Variants in CD83 observed in about 807,000 individuals in gnomAD.
CD83 encodes the protein CD83 molecule, also known as CD83 antigen.
Under a neutral mutation model 24.6 loss-of-function variants are expected in CD83, and 22 were observed. The ratio of observed to expected loss-of-function variants is 0.90; its 90% confidence interval spans 0.64 to 1.28. The LOEUF (loss-of-function observed/expected upper bound fraction) is 1.28, where lower values mean the gene tolerates loss of function less well. CD83 is among the 50% of genes most tolerant of loss of function. The pLI is 0.00. For missense variants in CD83, 253 were observed against 252.8 expected, an observed-to-expected ratio of 1.00 and a Z score of -0.01; for synonymous variants, 101 against 103.5, an observed-to-expected ratio of 0.98 and a Z score of 0.14.
At position 14,136,506 on chromosome 6, in the gene CD83, G is replaced by T. The variant is rs1758055702; in HGVS notation, c.*1270G>T. 6.6e-6 allele frequency: 1 copy of T among 152,198 alleles called. No individual in the cohort carries two copies. The highest frequency in any genetic ancestry group is 1.5e-5 in the Non-Finnish European group (1 of 68,062). The allele number at this position is 152,198 out of a possible 1,614,324, so 9.4% of individuals were successfully genotyped here. A position where few individuals can be genotyped will look rare whatever the true frequency, so the allele number is the denominator to read the frequency against. ...TGCATGGATGTTTTAGCCATTGTTGGCTTTCCCTTATCAAACTTGGGCCCT... is the reference window on the plus strand; with the variant it reads ...TGCATGGATGTTTTAGCCATTGTTGTCTTTCCCTTATCAAACTTGGGCCCT... On this transcript the variant is annotated 3_prime_UTR_variant, in exon 5 of 5. Transcript: ENST00000379153.
intron 2 of CD83, among the ~76,000 whole-genome samples, chr6:14,125,433 G>C (rs1458346989): frequency 3.3e-5 from 5 of 152,210 alleles, no homozygotes; most frequent in Admixed American, 2.6e-4. Context: ...TTTTGGATTA[G>C]GGATGCTCAA....
chr6:14,130,742 A>G (rs1757873733), intron 2 of CD83, among the ~76,000 whole-genome samples: 1 of 152,180 alleles, frequency 6.6e-6, no homozygotes, highest in African/African-American at 2.4e-5. Context: ...CAAAAAAGAA[A>G]AAAAGAAAGC....
At position 14,129,203 on chromosome 6, in the gene CD83, C is replaced by G. The variant is rs146732511; in HGVS notation, c.154-2317C>G. Among the ~76,000 whole-genome samples the G allele has an allele frequency of 6.6e-6, 1 of 152,186 alleles. No individual in the cohort carries two copies. Among genetic ancestry groups the G allele is most frequent in the Non-Finnish European group, 1.5e-5 (1 of 68,042 alleles). On this transcript the variant is annotated intron_variant, in intron 2 of 4. Transcript: ENST00000379153. The surrounding 1 kb of genome is among the most constrained non-coding windows in gnomAD (Gnocchi z 4.3). ...GAAAAAGAAAAGCAAGATTGGACATCGGAATGGGGACTGCAGGGACTGGGC... is the reference window on the plus strand; with the variant it reads ...GAAAAAGAAAAGCAAGATTGGACATGGGAATGGGGACTGCAGGGACTGGGC...
At chr6:14,122,652 C>T (rs1206487586) in intron 2 of CD83, among the ~76,000 whole-genome samples, 2 of 152,084 alleles carry the variant, frequency 1.3e-5, no homozygotes, top group East Asian at 1.9e-4. Context: ...AAAAAAAAAT[C>T]GTACTGTCCC....
intron 4 of CD83, among the ~76,000 whole-genome samples, chr6:14,134,312 C>T (rs973426787): frequency 5.3e-5 from 8 of 152,206 alleles, no homozygotes; most frequent in African/African-American, 1.7e-4. Flanking sequence ...GATGGCTGGC[C>T]GGTGCTCAGG....
At chr6:14,122,132 A>T (rs947907247) in intron 2 of CD83, among the ~76,000 whole-genome samples, 2 of 152,166 alleles carry the variant, frequency 1.3e-5, no homozygotes, top group Non-Finnish European at 2.9e-5. Context: ...TAAGAGTGTG[A>T]CTTCATATAA....
Position 14,133,752 on chromosome 6 carries a change from T to C in CD83, c.486T>C (p.Thr162=). 5 of 1,591,520 alleles carry C rather than the reference T, an allele frequency of 3.1e-6. No homozygotes were observed. The highest frequency in any genetic ancestry group is 4.3e-6 in the Non-Finnish European group (5 of 1,160,424). ...TCTACTTAACACTCATCATTTTCAC[T>C]TGTGTAAGTATCTTCTTAAAACATC... ...VIFYLTLIIF[T]CKFARLQSIF... Residue 162 remains threonine, a synonymous_variant, in exon 4 of 5, where the codon ACT becomes ACC. Coordinates refer to ENST00000379153, the MANE Select transcript of CD83 (RefSeq NM_004233.4).
At chr6:14,133,981 A>C (rs2113406029) in intron 4 of CD83, among the ~76,000 whole-genome samples, 1 of 152,260 alleles carries the variant, frequency 6.6e-6, no homozygotes, top group African/African-American at 2.4e-5. Context: ...GGAAAAAAAA[A>C]ACAAAGTAAG....
At chr6:14,131,882 C>G (rs374088981) in intron 3 of CD83, 134 bp downstream of exon 3, 1 of 637,658 alleles carries the variant, frequency 1.6e-6, no homozygotes, top group African/African-American at 1.8e-5. Context: ...AGTGGAAATC[C>G]GCTGCAAGCA....
At chr6:14,133,937 A>G (rs1757983949) in intron 4 of CD83, among the ~76,000 whole-genome samples, 182 bp downstream of exon 4, 1 of 152,174 alleles carries the variant, frequency 6.6e-6, no homozygotes, top group Non-Finnish European at 1.5e-5. Context: ...AAATATTTCC[A>G]GCTTTTGTCT....
At chr6:14,123,725 G>C (rs955923707) in intron 2 of CD83, among the ~76,000 whole-genome samples, 1 of 135,878 alleles carries the variant, frequency 7.4e-6, no homozygotes, top group Non-Finnish European at 1.5e-5. Context: ...TGGGGAGGGA[G>C]GAAGAAAGCA....
intron 2 of CD83, among the ~76,000 whole-genome samples, chr6:14,126,018 TCTCA>T (rs1211186071): frequency 6.6e-6 from 1 of 152,190 alleles, no homozygotes; most frequent in East Asian, 1.9e-4. Flanking sequence ...TTTCTTGTTT[TCTCA>T]CTTGATTTTA....
chr6:14,131,978 G>A (rs544961888), intron 3 of CD83, among the ~76,000 whole-genome samples: 1 of 152,190 alleles, frequency 6.6e-6, no homozygotes, highest in Non-Finnish European at 1.5e-5. Flanking sequence ...GGGTGGAAAT[G>A]ATAAAAATGT....
intron 2 of CD83, among the ~76,000 whole-genome samples, chr6:14,120,425 A>G (rs1475643517): frequency 2.6e-5 from 4 of 152,332 alleles, no homozygotes; most frequent in South Asian, 2.1e-4. Flanking sequence ...TCATTTTTCT[A>G]TAAGTTTCTT....
rs1417136203 is a variant in CD83, at chr6:14,136,574, T to G, written c.*1338T>G. On this transcript the variant is annotated 3_prime_UTR_variant, in exon 5 of 5. Coordinates refer to ENST00000379153, the MANE Select transcript of CD83 (RefSeq NM_004233.4). ...AAGGCATTTTATTGCTTGAGTTATA[T>G]GTTCACTGTCCCCCTAATATTAGGG... 1 of 152,234 alleles carries G rather than the reference T, an allele frequency of 6.6e-6. No individual in the cohort carries two copies. Among genetic ancestry groups the G allele is most frequent in the Admixed American group, 6.5e-5 (1 of 15,286 alleles). 9.4% of individuals were successfully genotyped at this position (152,234 alleles called of 1,614,324 possible). A position where few individuals can be genotyped will look rare whatever the true frequency, so the allele number is the denominator to read the frequency against.
At chr6:14,125,297 T>C (rs547162382) in intron 2 of CD83, among the ~76,000 whole-genome samples, 93 of 152,366 alleles carry the variant, frequency 6.1e-4, no homozygotes, top group Admixed American at 2.4e-3. Flanking sequence ...CTGTCAACTC[T>C]GCCTTCCTTT....
rs764834384 is a variant in CD83, at chr6:14,131,632, C to A, written c.266C>A (p.Pro89His). 3.1e-6 allele frequency: 5 copies of A among 1,613,924 alleles called. No homozygotes were observed. In the South Asian group the frequency reaches 5.5e-5, roughly 18 times the overall value. The stretch of plus-strand genomic sequence containing the variant: ...TCTTTCGACGCCCCCAATGAAAGGC[C>A]CTATTCCCTGAAGATCCGAAACACT... ...NGSFDAPNER[P>H]YSLKIRNTTS... is the part of the protein sequence containing the mutation. The change falls in exon 3 of 5, where the codon CCC (proline) becomes CAC (histidine). Residue 89 changes from proline (P) to histidine (H), a missense_variant. Coordinates refer to ENST00000379153, the MANE Select transcript of CD83 (RefSeq NM_004233.4).
In CD83 at chr6:14,117,879, C is replaced by G. The variant is rs747662904; in HGVS notation, c.37+31C>G. ...GCTCGCGAGCGCCTGTCTCGCCTGT[C>G]GCCCCCCGCCCCTCCACGACACCCC... On this transcript the variant is annotated intron_variant, in intron 1 of 4. Coordinates refer to ENST00000379153, the MANE Select transcript of CD83 (RefSeq NM_004233.4). The surrounding 1 kb of genome is among the most constrained non-coding windows in gnomAD (Gnocchi z 4.6). 3 of 1,574,876 alleles carry G rather than the reference C, an allele frequency of 1.9e-6. No homozygotes were observed. Among genetic ancestry groups the G allele is most frequent in the Non-Finnish European group, 2.6e-6 (3 of 1,166,272 alleles).
intron 2 of CD83, among the ~76,000 whole-genome samples, chr6:14,127,340 G>A (rs914982133): frequency 2.0e-5 from 3 of 151,892 alleles, no homozygotes; most frequent in African/African-American, 7.3e-5. Context: ...TCAATTTTGT[G>A]ATCAAAACTC....
Sources: allele counts gnomAD v4.1 joint callset (sites outside exome capture counted in the v4.1 genomes callset), GRCh38; gene constraint gnomAD v4.1.1; non-coding constraint Gnocchi (gnomAD v3.1); transcripts MANE v1.5; gene names NCBI Gene and HGNC (gene_info 2026-07-23, HGNC 2026-07-21).